Variants in TMEM117 observed in about 807,000 individuals in gnomAD.
TMEM117 encodes transmembrane protein 117.
In TMEM117, 27 loss-of-function variants were observed where a neutral mutation model predicts 52.4. The observed-to-expected ratio is 0.51, with a 90% CI of 0.38 to 0.71. The LOEUF (loss-of-function observed/expected upper bound fraction) is 0.71. Among genes scored for constraint, TMEM117 ranks in the 30% least tolerant of loss-of-function variants. The pLI, the probability that TMEM117 is intolerant of heterozygous loss-of-function variation, is 0.00. For missense variants in TMEM117, 556 were observed against 630.5 expected (o/e 0.88, Z 1.26); for synonymous variants, 215 against 206.3 (o/e 1.04, Z -0.36).
At chr12:44,068,939 T>C (rs978562105) in intron 3 of TMEM117, among the ~76,000 whole-genome samples, 7 of 152,204 alleles carry the variant, frequency 4.6e-5, no homozygotes, top group Non-Finnish European at 1.0e-4. Context: ...TTGCCATCTC[T>C]AGCAATGATG....
At chr12:43,901,356 G>T (rs541113225) in intron 2 of TMEM117, among the ~76,000 whole-genome samples, 1 of 152,188 alleles carries the variant, frequency 6.6e-6, no homozygotes, top group African/African-American at 2.4e-5. Flanking sequence ...TGTTGCCCAG[G>T]CTGGAGTGCA....
chr12:44,392,162 T>C (rs1459738348), downstream of TMEM117, among the ~76,000 whole-genome samples: 1 of 152,166 alleles, frequency 6.6e-6, no homozygotes, highest in African/African-American at 2.4e-5. Flanking sequence ...AACTGTCTTA[T>C]TTGAACAACT....
chr12:44,098,614 T>C (rs1169898262), intron 3 of TMEM117, among the ~76,000 whole-genome samples: 4 of 152,054 alleles, frequency 2.6e-5, no homozygotes, highest in Non-Finnish European at 5.9e-5. Context: ...GGTATATCCC[T>C]AAGGGCTAAA....
At chr12:43,830,929 T>A in the TMEM117 span, among the ~76,000 whole-genome samples, 1 of 152,186 alleles carries the variant, frequency 6.6e-6, no homozygotes, top group Non-Finnish European at 1.5e-5. Context: ...CTAGTTGGCA[T>A]CATGGGGATT....
intron 3 of TMEM117, among the ~76,000 whole-genome samples, chr12:44,079,003 GT>G (rs1947432773): frequency 6.6e-6 from 1 of 151,872 alleles, no homozygotes; most frequent in Admixed American, 6.6e-5. Context: ...GAGAATGATG[GT>G]TTCCAGCTTC....
chr12:43,813,231 G>GCTTT, the TMEM117 span, among the ~76,000 whole-genome samples: 32 of 62,618 alleles, frequency 5.1e-4, no homozygotes, highest in African/African-American at 1.8e-3. Flanking sequence ...GTTTTCTCTT[G>GCTTT]TTTTTTTTTT....
chr12:44,170,537 G>A (rs1458873433), intron 4 of TMEM117, among the ~76,000 whole-genome samples: 2 of 152,056 alleles, frequency 1.3e-5, no homozygotes, highest in African/African-American at 4.8e-5. Flanking sequence ...ATTAGAAAAT[G>A]TGAGACCTCC....
intron 2 of TMEM117, among the ~76,000 whole-genome samples, chr12:43,895,939 C>A (rs1396831065): frequency 1.3e-5 from 2 of 152,142 alleles, no homozygotes; most frequent in East Asian, 1.9e-4. Context: ...CTCAGCAAAT[C>A]TGCAATTTCA....
chr12:44,389,907 G>A (rs940239904), downstream of TMEM117: 6 of 151,990 alleles, frequency 3.9e-5, no homozygotes, highest in African/African-American at 1.2e-4. Flanking sequence ...TTGTGGTTAC[G>A]TTTCTTGAGG....
At chr12:43,885,415 TTTTC>T (rs1223160206) in intron 2 of TMEM117, among the ~76,000 whole-genome samples, 4 of 16,656 alleles carry the variant, frequency 2.4e-4, no homozygotes, top group Non-Finnish European at 2.3e-3. Context: ...TTTTCTTTTC[TTTTC>T]TTTTTTTTTT....
the TMEM117 span, among the ~76,000 whole-genome samples, chr12:43,828,898 A>G: frequency 2.0e-5 from 3 of 151,594 alleles, no homozygotes; most frequent in Non-Finnish European, 4.4e-5. Flanking sequence ...CTGCTTCAGC[A>G]CTTGTTAATT....
intron 4 of TMEM117, among the ~76,000 whole-genome samples, chr12:44,169,995 G>A (rs373538457): frequency 2.6e-5 from 4 of 152,142 alleles, no homozygotes; most frequent in African/African-American, 9.6e-5. Flanking sequence ...ACATGCACAC[G>A]TATGTTTATT....
intron 5 of TMEM117, among the ~76,000 whole-genome samples, chr12:44,299,276 G>A (rs928225439): frequency 2.0e-5 from 3 of 151,888 alleles, no homozygotes; most frequent in African/African-American, 7.2e-5. Flanking sequence ...GACTACAGGC[G>A]CACACCACTG....
At chr12:44,260,569 C>T (rs757176849) in intron 5 of TMEM117, among the ~76,000 whole-genome samples, 16 of 152,068 alleles carry the variant, frequency 1.1e-4, no homozygotes, top group Non-Finnish European at 2.4e-4. Flanking sequence ...TAGAAACATA[C>T]AGTATTTATT....
chr12:44,088,249 A>G (rs1240166046), intron 3 of TMEM117, among the ~76,000 whole-genome samples: 1 of 152,196 alleles, frequency 6.6e-6, no homozygotes, highest in East Asian at 1.9e-4. Flanking sequence ...GGTAATAATA[A>G]ATATTTTCAG....
chr12:43,808,744 A>G, the TMEM117 span, among the ~76,000 whole-genome samples: 1 of 143,590 alleles, frequency 7.0e-6, no homozygotes, highest in East Asian at 2.2e-4. Flanking sequence ...CAGGAGGTAG[A>G]GGCTGCAATG....
intron 3 of TMEM117, 141 bp from the exon 4 acceptor site, chr12:44,143,384 A>G: frequency 1.9e-6 from 1 of 520,788 alleles, no homozygotes; most frequent in Middle Eastern, 3.0e-4. Context: ...AGACTTCCAG[A>G]TTTGTAAGCA....
intron 6 of TMEM117, among the ~76,000 whole-genome samples, chr12:44,368,896 ATTC>A (rs779646822): frequency 1.3e-5 from 2 of 152,078 alleles, no homozygotes; most frequent in Non-Finnish European, 2.9e-5. Flanking sequence ...GTTAACTTTC[ATTC>A]TTCTTAAGAA....
upstream of TMEM117, among the ~76,000 whole-genome samples, chr12:43,831,635 C>T (rs1455714492): frequency 6.6e-6 from 1 of 151,788 alleles, no homozygotes; most frequent in Admixed American, 6.6e-5. Flanking sequence ...CCTCCACCTC[C>T]CAGGTTCAAG....
Sources: gnomAD v4.1 joint callset for allele counts (sites outside exome capture counted in the v4.1 genomes callset) on GRCh38, gnomAD v4.1.1 for gene constraint, MANE v1.5 for transcripts, NCBI Gene and HGNC (gene_info 2026-07-23, HGNC 2026-07-21) for gene names.